Variants in RAD54L2 observed in about 807,000 individuals in gnomAD.
RAD54L2 encodes helicase ARIP4.
A neutral mutation model predicts 138.4 loss-of-function variants in RAD54L2; 27 were observed. The ratio of observed to expected loss-of-function variants is 0.20; its 90% CI spans 0.14 to 0.27. RAD54L2 has a LOEUF of 0.27. Among genes scored for constraint, RAD54L2 ranks in the 10% least tolerant of loss-of-function variants. The probability of loss-of-function intolerance (pLI) is 1.00; values close to 1 mark genes in which losing one functional copy is unlikely to be tolerated. For missense variants in RAD54L2, 1,396 were observed against 1,890.2 expected (o/e 0.74, Z 4.85); for synonymous variants, 644 against 723.2 (o/e 0.89, Z 1.76).
rs565646014 is a variant in RAD54L2 at position 51,607,724 on chromosome 3, G to A, written c.139+17165G>A. Among the ~76,000 whole-genome samples, 77 of 150,518 alleles carry A rather than the reference G, an allele frequency of 5.1e-4. No homozygotes were observed. In the East Asian group the frequency reaches 0.013, roughly 26 times the overall value. Reference sequence around the variant, plus strand: ...CCACCTCCCAGACGGGGCGGCGGCCGGGCAGAGGGGCTCCTTACTTCCCAG... The same window carrying A: ...CCACCTCCCAGACGGGGCGGCGGCCAGGCAGAGGGGCTCCTTACTTCCCAG... On this transcript the variant is annotated intron_variant, in intron 3 of 22. Transcript: ENST00000684192.
At position 51,639,938 on chromosome 3, in the gene RAD54L2, G is replaced by C. The variant is rs757473848; in HGVS notation, c.2170G>C (p.Val724Leu). The part of the protein sequence containing the change: ...TGVLENSPKM[V>L]LLFHLIEESV... ...AGTCCTAGAAAACTCTCCCAAGATG[G>C]TACTGCTTTTCCACCTGATTGAGGA... Residue 724 changes from valine to leucine, a missense_variant, in exon 14 of 23, where the codon GTA becomes CTA. Physicochemically the swap from Val to Leu is conservative, Grantham distance 32. Around this residue, in one of 7 missense-constraint regions of RAD54L2, gnomAD observed 211 missense variants for 273.8 expected, o/e 0.77. Transcript: ENST00000684192. 1.2e-6 allele frequency: 2 copies of C among 1,612,666 alleles called. No homozygotes were observed. Among genetic ancestry groups the C allele is most frequent in the African/African-American group, 2.7e-5 (2 of 75,010 alleles).
chr3:51,594,066 C>CTTTTTTTTTTTTTTTTT, intron 3 of RAD54L2, among the ~76,000 whole-genome samples: 195 of 105,062 alleles, frequency 1.9e-3, no homozygotes, highest in Non-Finnish European at 2.3e-3. Flanking sequence ...TTTTCTTTTT[C>CTTTTTTTTTTTTTTTTT]TTTTTTTTTT....
Position 51,637,718 on chromosome 3 carries a change from T to C in RAD54L2, c.1682+215T>C, listed in dbSNP as rs1701021567. 6.6e-6 allele frequency among the ~76,000 whole-genome samples: 1 copy of C among 152,220 alleles called. No homozygotes were observed. The highest frequency in any genetic ancestry group is 1.5e-5 in the Non-Finnish European group (1 of 68,036). ...GGCCTAGAAGTGCTTCTCTCAAAAG[T>C]TATCTTTAAAGGTACTGGAGACACC... is the stretch of plus-strand genomic sequence containing the variant. On this transcript the variant is annotated intron_variant, in intron 11 of 22. Transcript: ENST00000684192. This position sits in a 1 kb window ranked among gnomAD's most constrained non-coding sequence, Gnocchi z 5.9.
intron 19 of RAD54L2, among the ~76,000 whole-genome samples, chr3:51,653,593 A>G (rs191733060): frequency 0.018 from 2,710 of 152,358 alleles, 89 homozygotes; most frequent in African/African-American, 0.062. Flanking sequence ...ATGGAATACT[A>G]TGCAGCCATA....
intron 21 of RAD54L2, 79 bp from the exon 22 acceptor site, chr3:51,659,947 C>T (rs1284122448): frequency 1.3e-5 from 14 of 1,062,182 alleles, no homozygotes; most frequent in Admixed American, 8.4e-5. Context: ...TACAAGCCCA[C>T]GGCGCACAGC....
chr3:51,645,536 C>T lies in RAD54L2; in HGVS notation c.2657-55C>T, dbSNP rs1577456092. 6.7e-7 allele frequency: 1 copy of T among 1,489,932 alleles called. No homozygotes were observed. Among genetic ancestry groups the T allele is most frequent in the East Asian group, 2.3e-5 (1 of 42,842 alleles). 92.3% of individuals were successfully genotyped at this position (1,489,932 alleles called of 1,614,324 possible). A position where few individuals can be genotyped will look rare whatever the true frequency, so the allele number is the denominator to read the frequency against. On this transcript the variant is annotated intron_variant, in intron 17 of 22. Coordinates refer to ENST00000684192, the MANE Select transcript of RAD54L2 (RefSeq NM_015106.4). The surrounding 1 kb of genome is among the most constrained non-coding windows in gnomAD (Gnocchi z 6.1). Reference sequence around the variant, plus strand: ...TGGGATGACTTTTCATTATTAGTGACCTTTACAGTTTTTAATGCCATGTGC... The same window carrying T: ...TGGGATGACTTTTCATTATTAGTGATCTTTACAGTTTTTAATGCCATGTGC...
chr3:51,587,390 C>G (rs967804133), intron 2 of RAD54L2, among the ~76,000 whole-genome samples: 1 of 152,212 alleles, frequency 6.6e-6, no homozygotes, highest in Non-Finnish European at 1.5e-5. Flanking sequence ...GCATGAGCAA[C>G]CACGTCTGGC....
Position 51,662,397 on chromosome 3 carries a change from A to T in RAD54L2, c.3410-29A>T, listed in dbSNP as rs374622665. The T allele has an allele frequency of 5.0e-5, 74 of 1,483,944 alleles. No homozygotes were observed. In the African/African-American group the frequency reaches 9.8e-4, roughly 20 times the overall value. 91.9% of individuals were successfully genotyped at this position (1,483,944 alleles called of 1,614,324 possible). ...CCTTCTTCTCTCCCTGGCCACTCTGATTCTCAGTTAACTACATTTTGTCCC... is the reference window on the plus strand; with the variant it reads ...CCTTCTTCTCTCCCTGGCCACTCTGTTTCTCAGTTAACTACATTTTGTCCC... On this transcript the variant is annotated intron_variant, in intron 22 of 22. Transcript: ENST00000684192. The surrounding 1 kb of genome is among the most constrained non-coding windows in gnomAD (Gnocchi z 4.6).
intron 9 of RAD54L2, 106 bp from the exon 10 acceptor site, chr3:51,635,487 A>G (rs1405491552): frequency 1.4e-5 from 18 of 1,262,466 alleles, no homozygotes; most frequent in Non-Finnish European, 1.8e-5. Context: ...CTGAATGTAC[A>G]TCAACACAGC....
At chr3:51,609,933 A>G (rs976049462) in intron 3 of RAD54L2, among the ~76,000 whole-genome samples, 2 of 151,022 alleles carry the variant, frequency 1.3e-5, no homozygotes, top group Non-Finnish European at 2.9e-5. Context: ...AGATTTGTAT[A>G]CTATTCCATA....
At chr3:51,605,362 T>A (rs1365392108) in intron 3 of RAD54L2, among the ~76,000 whole-genome samples, 1 of 151,504 alleles carries the variant, frequency 6.6e-6, no homozygotes, top group African/African-American at 2.4e-5. Context: ...GTGCTGAGAT[T>A]ACAACTGTGA....
At chr3:51,613,784 AG>A (rs1402731325) in intron 3 of RAD54L2, among the ~76,000 whole-genome samples, 1 of 151,124 alleles carries the variant, frequency 6.6e-6, no homozygotes, top group African/African-American at 2.4e-5. Flanking sequence ...AAAAAAAAAA[AG>A]GTACGTAGTT....
intron 2 of RAD54L2, among the ~76,000 whole-genome samples, chr3:51,582,168 A>G (rs1343180071): frequency 6.6e-6 from 1 of 152,068 alleles, no homozygotes; most frequent in Non-Finnish European, 1.5e-5. Context: ...TGGCTTCTCA[A>G]AAGTCCTGAG....
At chr3:51,548,881 C>T (rs1698765382) in intron 2 of RAD54L2, among the ~76,000 whole-genome samples, 2 of 138,244 alleles carry the variant, frequency 1.4e-5, no homozygotes, top group South Asian at 4.5e-4. Context: ...GGCTGGAGTG[C>T]AGTGGCGCCA....
At chr3:51,607,078 A>C (rs948686903) in intron 3 of RAD54L2, among the ~76,000 whole-genome samples, 1 of 137,178 alleles carries the variant, frequency 7.3e-6, no homozygotes, top group Non-Finnish European at 1.6e-5. Context: ...ATTTTTTTTT[A>C]TTTTTTTATT....
intron 2 of RAD54L2, among the ~76,000 whole-genome samples, chr3:51,569,436 T>A (rs1377696927): frequency 6.6e-6 from 1 of 151,840 alleles, no homozygotes; most frequent in Non-Finnish European, 1.5e-5. Context: ...CAGGCTGGAG[T>A]GCAGTGGCGC....
chr3:51,635,845 T>C, intron 10 of RAD54L2, 56 bp downstream of exon 10: 1 of 1,475,782 alleles, frequency 6.8e-7, no homozygotes, highest in Non-Finnish European at 9.1e-7. Flanking sequence ...AAAGAAATCA[T>C]GTCTACTAAT....
At chr3:51,592,020 T>C (rs1699848546) in intron 3 of RAD54L2, among the ~76,000 whole-genome samples, 1 of 151,324 alleles carries the variant, frequency 6.6e-6, no homozygotes, top group Non-Finnish European at 1.5e-5. Context: ...GTGATTTGTC[T>C]CAGAATAATG....
chr3:51,609,291 G>A (rs569778866), intron 3 of RAD54L2, among the ~76,000 whole-genome samples: 2 of 152,308 alleles, frequency 1.3e-5, no homozygotes, highest in African/African-American at 2.4e-5. Flanking sequence ...AGGTCAGGAG[G>A]CTCATTACAT....
Sources: allele counts gnomAD v4.1 joint callset (sites outside exome capture counted in the v4.1 genomes callset), GRCh38; gene constraint gnomAD v4.1.1; regional missense constraint gnomAD v4.1.1; non-coding constraint Gnocchi (gnomAD v3.1); transcripts MANE v1.5; gene names NCBI Gene and HGNC (gene_info 2026-07-23, HGNC 2026-07-21).